STK32B: variants seen among roughly 807,000 people sequenced by gnomAD.
STK32B encodes serine/threonine kinase 32B.
STK32B carries 43 observed loss-of-function variants against 52.6 expected under a neutral mutation model. The ratio of observed to expected loss-of-function variants is 0.82; its 90% CI spans 0.64 to 1.05. The LOEUF (loss-of-function observed/expected upper bound fraction) is 1.05. Among genes scored for constraint, STK32B ranks in the 50% least tolerant of loss-of-function variants. The pLI is 0.00. For synonymous variants in STK32B, 238 were observed against 204.3 expected, an observed-to-expected ratio of 1.17 and a Z score of -1.41; for missense variants, 621 against 534.6, an observed-to-expected ratio of 1.16 and a Z score of -1.59.
At chr4:5,491,294 A>G (rs1328242038) in intron 11 of STK32B, among the ~76,000 whole-genome samples, 1 of 151,914 alleles carries the variant, frequency 6.6e-6, no homozygotes, top group African/African-American at 2.4e-5. Context: ...ATGGTATCTC[A>G]TTGTGGTTTT....
chr4:5,085,085 T>C (rs947099798), intron 1 of STK32B, among the ~76,000 whole-genome samples: 1 of 152,226 alleles, frequency 6.6e-6, no homozygotes, highest in Non-Finnish European at 1.5e-5. Context: ...CAAATGTTTC[T>C]GTGGTCAAAT....
chr4:5,389,475 G>A (rs540440958), intron 4 of STK32B, among the ~76,000 whole-genome samples: 25 of 152,152 alleles, frequency 1.6e-4, no homozygotes, highest in Non-Finnish European at 2.5e-4. Flanking sequence ...TCACAAGACC[G>A]TTCCTCTGCA....
chr4:5,459,579 G>T (rs1199300547), intron 8 of STK32B, among the ~76,000 whole-genome samples: 1 of 152,180 alleles, frequency 6.6e-6, no homozygotes, highest in Non-Finnish European at 1.5e-5. Flanking sequence ...CTGTTCTTAT[G>T]CTACCTCACT....
chr4:5,095,347 G>C (rs969098003), intron 1 of STK32B, among the ~76,000 whole-genome samples: 2 of 152,140 alleles, frequency 1.3e-5, no homozygotes, highest in Non-Finnish European at 2.9e-5. Context: ...AGGTGCAGTG[G>C]CTTACACCTG....
chr4:5,170,468 C>T (rs572205820), intron 3 of STK32B, among the ~76,000 whole-genome samples: 2 of 152,012 alleles, frequency 1.3e-5, no homozygotes, highest in East Asian at 1.9e-4. Flanking sequence ...CGTCCCCCCA[C>T]CCCACAACAG....
At chr4:5,431,787 G>T (rs964056545) in intron 6 of STK32B, among the ~76,000 whole-genome samples, 3 of 152,120 alleles carry the variant, frequency 2.0e-5, no homozygotes, top group African/African-American at 7.2e-5. Flanking sequence ...TGATGCAGTG[G>T]TTTCATGTTA....
chr4:5,321,388 AAATGTCTTTTGG>A (rs1430751840), intron 3 of STK32B, among the ~76,000 whole-genome samples: 1 of 152,190 alleles, frequency 6.6e-6, no homozygotes, highest in Non-Finnish European at 1.5e-5. Flanking sequence ...TGCAAGTTAT[AAATGTCTTTTGG>A]AATTTGGCCC....
At chr4:5,461,527 C>G (rs1169440039) in intron 9 of STK32B, among the ~76,000 whole-genome samples, 1 of 152,148 alleles carries the variant, frequency 6.6e-6, no homozygotes, top group Non-Finnish European at 1.5e-5. Flanking sequence ...GAACACAGAC[C>G]CTCCCCAGCC....
At chr4:5,063,396 G>A (rs1226574960) in intron 1 of STK32B, among the ~76,000 whole-genome samples, 2 of 152,054 alleles carry the variant, frequency 1.3e-5, no homozygotes, top group African/African-American at 4.8e-5. Flanking sequence ...AGGCTGGAGT[G>A]CAGTGGTGCG....
chr4:5,418,189 A>G (rs1712318241), intron 6 of STK32B, among the ~76,000 whole-genome samples: 1 of 152,240 alleles, frequency 6.6e-6, no homozygotes, highest in South Asian at 2.1e-4. Flanking sequence ...AACGTAGGCT[A>G]TAGTTTCATT....
intron 6 of STK32B, among the ~76,000 whole-genome samples, chr4:5,446,149 C>T (rs908077435): frequency 6.6e-6 from 1 of 152,236 alleles, no homozygotes; most frequent in African/African-American, 2.4e-5. Flanking sequence ...CTGCATTCCA[C>T]CCGGTAGTGT....
At chr4:5,262,984 C>G (rs935196611) in intron 3 of STK32B, among the ~76,000 whole-genome samples, 1 of 152,110 alleles carries the variant, frequency 6.6e-6, no homozygotes, top group Non-Finnish European at 1.5e-5. Context: ...TCCCCTGAAG[C>G]CTCCCCTGAT....
At chr4:5,105,627 G>A (rs1481755802) in intron 1 of STK32B, among the ~76,000 whole-genome samples, 23 of 151,880 alleles carry the variant, frequency 1.5e-4, no homozygotes, top group South Asian at 6.2e-4. Flanking sequence ...GTAGTGGCGG[G>A]ATCTTGGCTC....
At chr4:5,175,488 A>G (rs1464877608) in intron 3 of STK32B, among the ~76,000 whole-genome samples, 1 of 151,784 alleles carries the variant, frequency 6.6e-6, no homozygotes, top group African/African-American at 2.4e-5. Context: ...TTTGGTGTGG[A>G]TGTCTTTCTG....
intron 2 of STK32B, among the ~76,000 whole-genome samples, chr4:5,154,211 C>CTTTTTT (rs3072774): frequency 2.4e-5 from 3 of 122,568 alleles, no homozygotes; most frequent in Non-Finnish European, 3.3e-5. Context: ...CCTTCCATGT[C>CTTTTTT]TTTTTTTTTT....
intron 3 of STK32B, among the ~76,000 whole-genome samples, chr4:5,303,739 G>T (rs1006845245): frequency 6.6e-6 from 1 of 152,010 alleles, no homozygotes; most frequent in African/African-American, 2.4e-5. Flanking sequence ...TGGGGTTTTG[G>T]TCATGAAGTC....
chr4:5,307,548 C>CTTT (rs558277345), intron 3 of STK32B, among the ~76,000 whole-genome samples: 50 of 137,396 alleles, frequency 3.6e-4, no homozygotes, highest in African/African-American at 1.2e-3. Context: ...TATGCTCTAT[C>CTTT]TTTTTTTTTT....
intron 3 of STK32B, among the ~76,000 whole-genome samples, chr4:5,284,395 A>G (rs1302034726): frequency 1.3e-5 from 2 of 152,150 alleles, no homozygotes; most frequent in Non-Finnish European, 2.9e-5. Flanking sequence ...AATAGAAGGG[A>G]TAGAATACAA....
intron 4 of STK32B, among the ~76,000 whole-genome samples, chr4:5,349,185 C>A (rs1733667505): frequency 6.6e-6 from 1 of 152,290 alleles, no homozygotes; most frequent in East Asian, 1.9e-4. Context: ...GCTGGCCTGC[C>A]TGGAACAAAT....
Sources: allele counts gnomAD v4.1 joint callset (sites outside exome capture counted in the v4.1 genomes callset), GRCh38; gene constraint gnomAD v4.1.1; transcripts MANE v1.5; gene names NCBI Gene and HGNC (gene_info 2026-07-23, HGNC 2026-07-21).